SLIT2: variants seen among roughly 807,000 people sequenced by gnomAD.
SLIT2 encodes slit homolog 2 protein.
SLIT2 carries 41 observed loss-of-function variants against 185.7 expected under a neutral mutation model. The observed-to-expected ratio is 0.22, with a 90% CI of 0.17 to 0.29. The LOEUF (loss-of-function observed/expected upper bound fraction) is 0.29. Among genes scored for constraint, SLIT2 ranks in the 10% least tolerant of loss-of-function variants. SLIT2 has a pLI of 1.00. For missense variants in SLIT2, 1,571 were observed against 1,909.0 expected, an observed-to-expected ratio of 0.82 and a Z score of 3.30; for synonymous variants, 693 against 680.2, an observed-to-expected ratio of 1.02 and a Z score of -0.29.
intron 34 of SLIT2, 37 bp downstream of exon 34, chr4:20,610,204 C>T: frequency 6.3e-7 from 1 of 1,579,698 alleles, no homozygotes; most frequent in East Asian, 2.3e-5. Context: ...TCCTGAAACC[C>T]TGTGATTCTC....
intron 4 of SLIT2, among the ~76,000 whole-genome samples, chr4:20,280,854 C>T (rs1385719365): frequency 3.3e-5 from 4 of 121,620 alleles, no homozygotes; most frequent in African/African-American, 6.9e-5. Flanking sequence ...TTTTTTGAGA[C>T]GGAGTTTTTC....
At chr4:20,391,668 A>C (rs1179351973) in intron 4 of SLIT2, among the ~76,000 whole-genome samples, 1 of 152,138 alleles carries the variant, frequency 6.6e-6, no homozygotes, top group Non-Finnish European at 1.5e-5. Context: ...GGAATAGTTG[A>C]GTAAATGATT....
At chr4:20,393,373 T>A (rs1725597037) in intron 4 of SLIT2, 1 of 152,088 alleles carries the variant, frequency 6.6e-6, no homozygotes, top group Admixed American at 6.6e-5. Context: ...GGGAATGGGA[T>A]CTGGAGCCAG....
At chr4:20,517,457 A>C (rs1388911442) in intron 11 of SLIT2, among the ~76,000 whole-genome samples, 2 of 151,916 alleles carry the variant, frequency 1.3e-5, no homozygotes, top group Non-Finnish European at 2.9e-5. Context: ...CTTAATCTTG[A>C]CCTCAAAATA....
chr4:20,512,188 T>C (rs1304225989), intron 11 of SLIT2, among the ~76,000 whole-genome samples: 3 of 152,024 alleles, frequency 2.0e-5, no homozygotes, highest in East Asian at 1.9e-4. Context: ...CCTGCCAAAA[T>C]ATTTCAGATA....
intron 4 of SLIT2, among the ~76,000 whole-genome samples, chr4:20,304,589 C>A (rs1717360357): frequency 6.6e-6 from 1 of 152,100 alleles, no homozygotes; most frequent in Admixed American, 6.6e-5. Context: ...GGTCTTCTTG[C>A]TTGGAATACT....
chr4:20,295,213 A>G (rs1184854232), intron 4 of SLIT2, among the ~76,000 whole-genome samples: 1 of 152,216 alleles, frequency 6.6e-6, no homozygotes, highest in Non-Finnish European at 1.5e-5. Flanking sequence ...TGAATCTGAT[A>G]CAAAATAATT....
At chr4:20,477,288 A>C in intron 5 of SLIT2, among the ~76,000 whole-genome samples, 1 of 150,944 alleles carries the variant, frequency 6.6e-6, no homozygotes, top group Middle Eastern at 3.2e-3. Context: ...TGCAACCTCC[A>C]CCTCCTGGGT....
intron 4 of SLIT2, among the ~76,000 whole-genome samples, chr4:20,417,694 A>G (rs964860109): frequency 2.0e-5 from 3 of 151,170 alleles, no homozygotes; most frequent in Non-Finnish European, 4.4e-5. Context: ...TAATTTTTTT[A>G]CTTTTAGTAG....
At chr4:20,492,915 G>C (rs756329220) in intron 9 of SLIT2, among the ~76,000 whole-genome samples, 1 of 152,096 alleles carries the variant, frequency 6.6e-6, no homozygotes, top group African/African-American at 2.4e-5. Context: ...TTAATAATGT[G>C]CTTAGAGCTT....
At chr4:20,317,691 T>C (rs752077504) in intron 4 of SLIT2, among the ~76,000 whole-genome samples, 8 of 152,102 alleles carry the variant, frequency 5.3e-5, no homozygotes, top group Admixed American at 6.6e-5. Context: ...CTTGTTCCTG[T>C]CAGTAACTGG....
chr4:20,313,470 G>A (rs1025054189), intron 4 of SLIT2, among the ~76,000 whole-genome samples: 2 of 152,154 alleles, frequency 1.3e-5, no homozygotes, highest in Non-Finnish European at 2.9e-5. Context: ...GCTCCCACTA[G>A]GTCCCACCTC....
In SLIT2 at chr4:20,539,452, G is replaced by A; in HGVS notation, c.1844G>A (p.Ser615Asn). Residue 615 changes from serine (S) to asparagine (N), a missense_variant, in exon 19 of 37, where the codon AGC becomes AAC. Coordinates refer to ENST00000504154, the MANE Select transcript of SLIT2 (RefSeq NM_004787.4). Reference protein sequence around the residue: ...LESLKTLMLRSNRITCVGNDS... With the variant: ...LESLKTLMLRNNRITCVGNDS... ...TTTTTTCCCCTCAGGATGTTGAGAA[G>A]CAATCGAATAACCTGTGTGGGGAAT... 2 of 1,611,582 alleles carry A rather than the reference G, an allele frequency of 1.2e-6. No individual in the cohort carries two copies. The highest frequency in any genetic ancestry group is 1.7e-6 in the Non-Finnish European group (2 of 1,178,986).
In SLIT2 at chr4:20,464,929, G is replaced by A. The variant is rs73252418; in HGVS notation, c.396-2823G>A. On this transcript the variant is annotated intron_variant, in intron 4 of 36. Coordinates refer to ENST00000504154, the MANE Select transcript of SLIT2 (RefSeq NM_004787.4). ...GAAAATTCTTAAAGACAGGAAATTGGCCTTACCCAACTCAGTAGCCCTTGC... is the reference window on the plus strand; with the variant it reads ...GAAAATTCTTAAAGACAGGAAATTGACCTTACCCAACTCAGTAGCCCTTGC... 6.9e-3 allele frequency among the ~76,000 whole-genome samples: 1,054 copies of A among 151,850 alleles called. 4 individuals are homozygous for A. The highest frequency in any genetic ancestry group is 0.011 in the Non-Finnish European group (761 of 67,968).
intron 4 of SLIT2, among the ~76,000 whole-genome samples, chr4:20,346,377 C>A (rs1352283921): frequency 6.6e-6 from 1 of 152,074 alleles, no homozygotes; most frequent in East Asian, 1.9e-4. Context: ...TCAATTGTAA[C>A]AATAAAAAAT....
At chr4:20,283,205 C>G (rs1439430536) in intron 4 of SLIT2, among the ~76,000 whole-genome samples, 1 of 152,076 alleles carries the variant, frequency 6.6e-6, no homozygotes, top group Non-Finnish European at 1.5e-5. Context: ...TCTCTCTCTT[C>G]CCTGCCTCAG....
At chr4:20,377,518 G>A (rs1488139184) in intron 4 of SLIT2, among the ~76,000 whole-genome samples, 1 of 152,074 alleles carries the variant, frequency 6.6e-6, no homozygotes, top group African/African-American at 2.4e-5. Flanking sequence ...CAAATAAAGA[G>A]CTGCTCATAC....
At chr4:20,324,035 A>G (rs539372340) in intron 4 of SLIT2, among the ~76,000 whole-genome samples, 1 of 152,284 alleles carries the variant, frequency 6.6e-6, no homozygotes, top group African/African-American at 2.4e-5. Flanking sequence ...CGGGGAAGAA[A>G]CAATAAGATT....
intron 4 of SLIT2, among the ~76,000 whole-genome samples, chr4:20,424,217 C>A (rs1390767662): frequency 6.6e-6 from 1 of 152,066 alleles, no homozygotes; most frequent in Non-Finnish European, 1.5e-5. Context: ...ACACTTTTAT[C>A]TGCTTATCAA....
Sources: allele counts gnomAD v4.1 joint callset (sites outside exome capture counted in the v4.1 genomes callset), GRCh38; gene constraint gnomAD v4.1.1; transcripts MANE v1.5; gene names NCBI Gene and HGNC (gene_info 2026-07-23, HGNC 2026-07-21).